Variants in TYW1 observed in about 807,000 individuals in gnomAD.
The protein encoded by TYW1 is S-adenosyl-L-methionine-dependent tRNA 4-demethylwyosine synthase TYW1.
TYW1 carries 46 observed loss-of-function variants against 96.2 expected under a neutral mutation model. That is an observed-to-expected ratio of 0.48 (90% CI 0.38 to 0.61). The LOEUF (loss-of-function observed/expected upper bound fraction) is 0.61, where lower values mean the gene tolerates loss of function less well. TYW1 is among the 20% of genes least tolerant of loss of function. The pLI is 0.00. For missense variants in TYW1, 684 were observed against 909.6 expected (o/e 0.75, Z 3.19); for synonymous variants, 274 against 323.0 (o/e 0.85, Z 1.63).
At chr7:67,213,754 C>T (rs1383304485) in intron 15 of TYW1, among the ~76,000 whole-genome samples, 1 of 152,232 alleles carries the variant, frequency 6.6e-6, no homozygotes, top group South Asian at 2.1e-4. Context: ...TGTTAAAGTA[C>T]CATTTGTTGA....
chr7:67,157,480 T>C (rs1799019857), intron 13 of TYW1, among the ~76,000 whole-genome samples: 1 of 152,120 alleles, frequency 6.6e-6, no homozygotes, highest in Admixed American at 6.5e-5. Context: ...GAGATGGGGT[T>C]CCACTATATT....
chr7:67,035,544 A>G (rs1369294335), intron 7 of TYW1, among the ~76,000 whole-genome samples: 1 of 152,160 alleles, frequency 6.6e-6, no homozygotes, highest in African/African-American at 2.4e-5. Context: ...CCTCAGGTTG[A>G]TAATTTGCTA....
At chr7:67,177,082 C>T (rs888342516) in intron 13 of TYW1, among the ~76,000 whole-genome samples, 1 of 152,218 alleles carries the variant, frequency 6.6e-6, no homozygotes, top group Non-Finnish European at 1.5e-5. Context: ...ACAATTAGAT[C>T]AGTGGAACAG....
chr7:66,997,937 A>G (rs928037295), intron 1 of TYW1, 128 bp from the exon 2 acceptor site: 17 of 1,301,676 alleles, frequency 1.3e-5, no homozygotes, highest in African/African-American at 3.1e-5. Flanking sequence ...CCAACAGTTG[A>G]TTTTTAAATT....
At chr7:67,176,844 T>C (rs1799688762) in intron 13 of TYW1, among the ~76,000 whole-genome samples, 1 of 152,028 alleles carries the variant, frequency 6.6e-6, no homozygotes, top group South Asian at 2.1e-4. Flanking sequence ...AGGAAAAGGG[T>C]TGGGGAGACT....
In TYW1 at chr7:67,155,576, A is replaced by G. The variant is rs145955144; in HGVS notation, c.1699-27550A>G. Among the ~76,000 whole-genome samples, 98 of 150,226 alleles carry G rather than the reference A, an allele frequency of 6.5e-4. 1 individual carries two copies. Among genetic ancestry groups the G allele is most frequent in the African/African-American group, 2.3e-3 (94 of 40,808 alleles). On this transcript the variant is annotated intron_variant, in intron 13 of 15. Transcript: ENST00000359626. The stretch of plus-strand genomic sequence containing the variant: ...TAGGTATTCTTTTTTTTTTTTTGAG[A>G]CAGAGTTGCTCTGTCACCCAGGCTG...
rs71049495 is a variant in TYW1, at chr7:67,080,940, G to GTTTTTTTTTTTTT, written c.1275-2475_1275-2463dup. ...TGTATATTGTTTTTGCTTTCTTACT[G>GTTTTTTTTTTTTT]TTTTTTTTTTTTTTTTTTTTTTTTT... is the stretch of plus-strand genomic sequence containing the variant. On this transcript the variant is annotated intron_variant, in intron 10 of 15. Transcript: ENST00000359626. 1.9e-4 allele frequency among the ~76,000 whole-genome samples: 7 copies of GTTTTTTTTTTTTT among 37,250 alleles called. 2 individuals carry two copies. Among genetic ancestry groups the GTTTTTTTTTTTTT allele is most frequent in the Non-Finnish European group, 2.9e-4 (6 of 20,740 alleles). The allele number at this position is 37,250 out of a possible 152,430, so 24.4% of individuals were successfully genotyped here. A position where few individuals can be genotyped will look rare whatever the true frequency, so the allele number is the denominator to read the frequency against.
chr7:67,102,738 G>A (rs531654707), intron 12 of TYW1, among the ~76,000 whole-genome samples: 4 of 151,760 alleles, frequency 2.6e-5, no homozygotes, highest in South Asian at 2.1e-4. Context: ...TACAAGCTCC[G>A]CCTCCAGGGT....
intron 6 of TYW1, among the ~76,000 whole-genome samples, chr7:67,023,886 A>T (rs1431202607): frequency 6.6e-6 from 1 of 152,218 alleles, no homozygotes; most frequent in Non-Finnish European, 1.5e-5. Flanking sequence ...TGATTTCTTA[A>T]CTTCTCTACC....
chr7:67,193,895 A>G (rs1470121382), intron 14 of TYW1, among the ~76,000 whole-genome samples: 4 of 151,812 alleles, frequency 2.6e-5, no homozygotes, highest in Non-Finnish European at 5.9e-5. Flanking sequence ...TGAGGGGTGC[A>G]CATGCCTTTC....
At chr7:67,021,746 C>T (rs1252891067) in intron 6 of TYW1, among the ~76,000 whole-genome samples, 3 of 152,148 alleles carry the variant, frequency 2.0e-5, no homozygotes, top group African/African-American at 4.8e-5. Flanking sequence ...GGTCACAGAA[C>T]CAAGTTAGCA....
chr7:67,138,628 A>T (rs1157467616), intron 13 of TYW1, among the ~76,000 whole-genome samples: 1 of 151,900 alleles, frequency 6.6e-6, no homozygotes, highest in Non-Finnish European at 1.5e-5. Flanking sequence ...CAACACCCCC[A>T]CTACCCTTCC....
chr7:67,217,606 A>G (rs1274850097), intron 15 of TYW1, among the ~76,000 whole-genome samples: 1 of 152,088 alleles, frequency 6.6e-6, no homozygotes, highest in African/African-American at 2.4e-5. Context: ...ATTGTTCTAC[A>G]TGTCTGTCTT....
At chr7:67,220,167 A>G (rs1395248423) in intron 15 of TYW1, among the ~76,000 whole-genome samples, 3 of 147,748 alleles carry the variant, frequency 2.0e-5, no homozygotes, top group African/African-American at 7.5e-5. Flanking sequence ...AATCTCTACA[A>G]ATTTGTGAAT....
At chr7:67,082,710 C>T (rs1796425159) in intron 10 of TYW1, among the ~76,000 whole-genome samples, 1 of 152,038 alleles carries the variant, frequency 6.6e-6, no homozygotes, top group East Asian at 1.9e-4. Context: ...TTGTGTCTGT[C>T]TTGGGGGTGG....
intron 15 of TYW1, among the ~76,000 whole-genome samples, chr7:67,217,689 C>T (rs1801244107): frequency 6.6e-6 from 1 of 151,976 alleles, no homozygotes; most frequent in Admixed American, 6.6e-5. Context: ...GTGAGTCCTC[C>T]AGTTTTGTGT....
chr7:67,151,051 CT>C (rs77369502), intron 13 of TYW1, among the ~76,000 whole-genome samples: 12,359 of 141,720 alleles, frequency 0.087, 109 homozygotes, highest in Middle Eastern at 0.11. Flanking sequence ...TATTCTTCTT[CT>C]TTTTTTTTTT....
chr7:67,023,960 A>G (rs929602883), intron 6 of TYW1, among the ~76,000 whole-genome samples: 3 of 152,144 alleles, frequency 2.0e-5, no homozygotes, highest in Non-Finnish European at 2.9e-5. Flanking sequence ...TAAGGATGAA[A>G]TGAATGGGTA....
intron 3 of TYW1, among the ~76,000 whole-genome samples, chr7:66,999,554 A>G (rs1793308343): frequency 6.6e-6 from 1 of 152,122 alleles, no homozygotes; most frequent in Non-Finnish European, 1.5e-5. Context: ...GTGTTTTGCC[A>G]TGTTGGCTAG....
Sources: gnomAD v4.1 joint callset for allele counts (sites outside exome capture counted in the v4.1 genomes callset) on GRCh38, gnomAD v4.1.1 for gene constraint, MANE v1.5 for transcripts, NCBI Gene and HGNC (gene_info 2026-07-23, HGNC 2026-07-21) for gene names.